RAB7B: variants seen among roughly 807,000 people sequenced by gnomAD.
RAB7B encodes the protein RAB7B, member RAS oncogene family.
In RAB7B at chr1:205,989,496, G is replaced by A. The variant is rs957670572; in HGVS notation, c.396+2984C>T. Among the ~76,000 whole-genome samples the A allele has an allele frequency of 7.9e-5, 12 of 152,008 alleles. No individual in the cohort carries two copies. In the South Asian group the frequency reaches 2.1e-3, roughly 26 times the overall value. On this transcript the variant is annotated intron_variant, in intron 4 of 5. Transcript: ENST00000617070. ...CCTCCTAACCCCTCTATACGCAGCC[G>A]CCACCTCTCATGGTAGCCTCAGAAA...
intron 1 of RAB7B, 29 bp from the exon 2 acceptor site, chr1:205,994,180 C>T (rs929777910): frequency 2.5e-6 from 1 of 398,636 alleles, no homozygotes; most frequent in Non-Finnish European, 4.4e-6. Flanking sequence ...CATCCACATG[C>T]TAGCCAATGT....
chr1:205,995,415 T>A (rs996484969), intron 1 of RAB7B, among the ~76,000 whole-genome samples: 6 of 152,168 alleles, frequency 3.9e-5, no homozygotes, highest in Middle Eastern at 3.4e-3. Context: ...GGAAATGAAA[T>A]CAGTATGTTG....
At chr1:205,982,569 G>A (rs2102631734) in intron 5 of RAB7B, among the ~76,000 whole-genome samples, 1 of 152,196 alleles carries the variant, frequency 6.6e-6, no homozygotes, top group African/African-American at 2.4e-5. Context: ...AACCTCATAG[G>A]GAAGATATTA....
chr1:206,003,019 G>A (rs2102258312), intron 1 of RAB7B, among the ~76,000 whole-genome samples: 2 of 152,306 alleles, frequency 1.3e-5, no homozygotes, highest in East Asian at 3.9e-4. Context: ...GGCCTTTGTG[G>A]GTCTCCGAGC....
chr1:205,990,984 T>A (rs1660712895), intron 4 of RAB7B, among the ~76,000 whole-genome samples: 2 of 151,822 alleles, frequency 1.3e-5, no homozygotes, highest in African/African-American at 2.4e-5. Context: ...TGTTGGCCAG[T>A]CTGGTCTCGA....
chr1:205,996,695 C>T lies in RAB7B; in HGVS notation c.-16-2544G>A, dbSNP rs915057660. 3.3e-5 allele frequency among the ~76,000 whole-genome samples: 5 copies of T among 152,298 alleles called. No homozygotes were observed. The East Asian group carries it at 9.7e-4, about 29-fold the overall frequency. ...TCATCTGTTCTCATGCTATAAAGAA[C>T]TGCCTGAGACTGGGTAATTTATGAA... On this transcript the variant is annotated intron_variant, in intron 1 of 5. Coordinates refer to ENST00000617070, the MANE Select transcript of RAB7B (RefSeq NM_001164522.3).
intron 1 of RAB7B, among the ~76,000 whole-genome samples, chr1:205,995,239 C>G (rs1660790652): frequency 6.6e-6 from 1 of 151,838 alleles, no homozygotes; most frequent in Non-Finnish European, 1.5e-5. Flanking sequence ...CACATGTACC[C>G]TAGAACTTAA....
At chr1:205,990,611 A>G (rs1343605915) in intron 4 of RAB7B, among the ~76,000 whole-genome samples, 1 of 151,714 alleles carries the variant, frequency 6.6e-6, no homozygotes, top group Non-Finnish European at 1.5e-5. Flanking sequence ...GGTGACCCCC[A>G]TGGGGTGGGG....
chr1:205,990,406 C>T (rs1660701048), intron 4 of RAB7B, among the ~76,000 whole-genome samples: 2 of 152,180 alleles, frequency 1.3e-5, no homozygotes, highest in Non-Finnish European at 2.9e-5. Flanking sequence ...TGACACACAC[C>T]TGAGGTATCT....
At chr1:205,993,113 C>T (rs1045471364) in intron 3 of RAB7B, among the ~76,000 whole-genome samples, 30 of 151,878 alleles carry the variant, frequency 2.0e-4, no homozygotes, top group Admixed American at 1.2e-3. Flanking sequence ...ATTTTTTTTT[C>T]TATAAATAAC....
intron 5 of RAB7B, among the ~76,000 whole-genome samples, chr1:205,983,481 T>C (rs1292109531): frequency 6.6e-6 from 1 of 152,216 alleles, no homozygotes; most frequent in Admixed American, 6.5e-5. Context: ...CTTATGGATG[T>C]CTCACTCTAC....
chr1:205,987,924 T>A (rs1660642049), intron 4 of RAB7B, among the ~76,000 whole-genome samples: 1 of 152,130 alleles, frequency 6.6e-6, no homozygotes, highest in African/African-American at 2.4e-5. Context: ...GTTTTGTTTT[T>A]GGAGAGATGG....
intron 1 of RAB7B, among the ~76,000 whole-genome samples, chr1:205,999,333 T>C (rs1389995427): frequency 6.6e-6 from 1 of 152,184 alleles, no homozygotes; most frequent in Non-Finnish European, 1.5e-5. Context: ...GTGAACAAGT[T>C]ACCAATTGAA....
chr1:205,983,545 G>T (rs1046946148), intron 5 of RAB7B, among the ~76,000 whole-genome samples: 4 of 152,234 alleles, frequency 2.6e-5, no homozygotes, highest in Admixed American at 2.6e-4. Context: ...ACAACTCAAT[G>T]GATATTTATG....
At chr1:205,990,738 G>A (rs1660706762) in intron 4 of RAB7B, among the ~76,000 whole-genome samples, 1 of 151,772 alleles carries the variant, frequency 6.6e-6, no homozygotes, top group African/African-American at 2.4e-5. Flanking sequence ...CAGAAGAAAG[G>A]GCTTGCAACA....
At chr1:205,997,885 A>T (rs1013807557) in intron 1 of RAB7B, among the ~76,000 whole-genome samples, 5 of 152,198 alleles carry the variant, frequency 3.3e-5, no homozygotes, top group African/African-American at 7.2e-5. Flanking sequence ...GAAGCGGGAG[A>T]AGAGGCAGCA....
chr1:205,976,925 C>T lies in RAB7B; in HGVS notation c.*1926G>A, dbSNP rs1039190264. 3.9e-5 allele frequency: 6 copies of T among 152,212 alleles called. No homozygotes were observed. Among genetic ancestry groups the T allele is most frequent in the Non-Finnish European group, 8.8e-5 (6 of 68,032 alleles). The allele number at this position is 152,212 out of a possible 1,614,324, so 9.4% of individuals were successfully genotyped here. On this transcript the variant is annotated 3_prime_UTR_variant, in exon 6 of 6. Coordinates refer to ENST00000617070, the MANE Select transcript of RAB7B (RefSeq NM_001164522.3). The stretch of plus-strand genomic sequence containing the variant: ...GAGGGCGCATCATGTTTCCCAGGAG[C>T]TCTGAAGGACACAGATAGAGCTTGT...
At chr1:205,980,113 C>A (rs915442931) in intron 5 of RAB7B, among the ~76,000 whole-genome samples, 1 of 152,206 alleles carries the variant, frequency 6.6e-6, no homozygotes, top group African/African-American at 2.4e-5. Flanking sequence ...AGTAATGTAC[C>A]CCGATGGCAC....
At chr1:205,996,252 A>T (rs1023191768) in intron 1 of RAB7B, among the ~76,000 whole-genome samples, 1 of 151,988 alleles carries the variant, frequency 6.6e-6, no homozygotes, top group East Asian at 1.9e-4. Context: ...CCATATATGC[A>T]CATATGCATA....
Sources: gnomAD v4.1 joint callset for allele counts (sites outside exome capture counted in the v4.1 genomes callset) on GRCh38, gnomAD v4.1.1 for gene constraint, MANE v1.5 for transcripts, NCBI Gene and HGNC (gene_info 2026-07-23, HGNC 2026-07-21) for gene names.